The following INVS variants were observed in gnomAD, a reference collection of about 807,000 sequenced individuals.
The protein encoded by INVS is inversion of embryo turning homolog.
A neutral mutation model predicts 108.8 loss-of-function variants in INVS; 86 were observed. That is an observed-to-expected ratio of 0.79 (90% confidence interval 0.66 to 0.95). INVS has a LOEUF of 0.95. Among genes scored for constraint, INVS ranks in the 40% least tolerant of loss-of-function variants. INVS has a pLI of 0.00. For missense variants in INVS, 1,169 were observed against 1,297.4 expected, an observed-to-expected ratio of 0.90 and a Z score of 1.52; for synonymous variants, 455 against 473.5, an observed-to-expected ratio of 0.96 and a Z score of 0.51.
chr9:100,189,028 T>C (rs192407970), intron 3 of INVS, among the ~76,000 whole-genome samples: 115 of 151,970 alleles, frequency 7.6e-4, no homozygotes, highest in Admixed American at 1.5e-3. Context: ...ATATCTGTGA[T>C]GTCTTTTTGT....
intron 3 of INVS, among the ~76,000 whole-genome samples, chr9:100,208,610 T>C (rs944766097): frequency 3.3e-5 from 5 of 152,196 alleles, no homozygotes; most frequent in African/African-American, 1.2e-4. Flanking sequence ...TCAATAAAAC[T>C]AAGGTACATT....
At chr9:100,222,283 G>A (rs1287677614) in intron 3 of INVS, among the ~76,000 whole-genome samples, 1 of 152,064 alleles carries the variant, frequency 6.6e-6, no homozygotes, top group African/African-American at 2.4e-5. Flanking sequence ...AATATCATTT[G>A]TCTCATTTCA....
At chr9:100,211,860 C>A (rs1369103011) in intron 3 of INVS, among the ~76,000 whole-genome samples, 1 of 152,176 alleles carries the variant, frequency 6.6e-6, no homozygotes, top group South Asian at 2.1e-4. Context: ...CCTTTGCTTA[C>A]AGAATTGTCA....
chr9:100,159,175 G>A (rs536366967), intron 3 of INVS, among the ~76,000 whole-genome samples: 36 of 152,222 alleles, frequency 2.4e-4, no homozygotes, highest in African/African-American at 8.2e-4. Flanking sequence ...TCAAGTATAA[G>A]GTAGAATGCA....
intron 3 of INVS, among the ~76,000 whole-genome samples, chr9:100,166,471 C>T (rs574885533): frequency 7.8e-4 from 118 of 152,208 alleles, no homozygotes; most frequent in African/African-American, 2.5e-3. Context: ...TGCTGGGAGC[C>T]GTGCTCCCAC....
chr9:100,265,577 C>T (rs966009774), intron 11 of INVS, among the ~76,000 whole-genome samples: 8 of 152,076 alleles, frequency 5.3e-5, no homozygotes, highest in Admixed American at 2.0e-4. Context: ...TTTAGGCCAG[C>T]GGAATGTGTT....
intron 3 of INVS, among the ~76,000 whole-genome samples, chr9:100,211,554 CT>C (rs1377049938): frequency 6.6e-6 from 1 of 152,142 alleles, no homozygotes; most frequent in Non-Finnish European, 1.5e-5. Context: ...CTCATTTGTG[CT>C]GTTTGACTCC....
chr9:100,255,541 G>C (rs1279468545), intron 10 of INVS, among the ~76,000 whole-genome samples: 1 of 152,134 alleles, frequency 6.6e-6, no homozygotes. Context: ...TATGACATTG[G>C]CTGTGGGTTT....
intron 3 of INVS, among the ~76,000 whole-genome samples, chr9:100,158,194 T>C (rs995676159): frequency 6.6e-6 from 1 of 152,184 alleles, no homozygotes; most frequent in Non-Finnish European, 1.5e-5. Flanking sequence ...AGTGAAGACC[T>C]CATAGGATAT....
chr9:100,275,496 T>C (rs1016083334), intron 12 of INVS, among the ~76,000 whole-genome samples: 7 of 152,248 alleles, frequency 4.6e-5, no homozygotes, highest in African/African-American at 1.4e-4. Flanking sequence ...TTTGTTCTAT[T>C]TCTCAAAAGT....
chr9:100,294,458 GTC>G (rs1179862300), intron 14 of INVS, among the ~76,000 whole-genome samples: 1 of 152,148 alleles, frequency 6.6e-6, no homozygotes, highest in African/African-American at 2.4e-5. Context: ...TTCTCCCTAT[GTC>G]TGTTTCAGCT....
rs55800849 is a variant in INVS, at chr9:100,299,555, A to AACACACACAC, written c.3092-987_3092-978dup. On this transcript the variant is annotated intron_variant, in intron 16 of 16. Transcript: ENST00000262457. ...TCAGCAGAGCCTTTTATTGACACAC[A>AACACACACAC]ACACACACACACACACACACACACA... is the stretch of plus-strand genomic sequence containing the variant. 5.1e-4 allele frequency among the ~76,000 whole-genome samples: 64 copies of AACACACACAC among 125,732 alleles called. 2 individuals carry two copies. Among genetic ancestry groups the AACACACACAC allele is most frequent in the African/African-American group, 1.8e-3 (62 of 33,620 alleles). 82.5% of individuals were successfully genotyped at this position (125,732 alleles called of 152,430 possible). A position where few individuals can be genotyped will look rare whatever the true frequency, so the allele number is the denominator to read the frequency against.
At chr9:100,194,077 A>C (rs1433296380) in intron 3 of INVS, among the ~76,000 whole-genome samples, 1 of 152,210 alleles carries the variant, frequency 6.6e-6, no homozygotes, top group South Asian at 2.1e-4. Context: ...CTCTTGGGTA[A>C]ATCATTATAA....
intron 10 of INVS, among the ~76,000 whole-genome samples, chr9:100,263,356 G>A (rs1832688729): frequency 6.6e-6 from 1 of 152,152 alleles, no homozygotes; most frequent in African/African-American, 2.4e-5. Flanking sequence ...AAATCAAGGT[G>A]TCACCAGGAC....
chr9:100,274,236 T>C (rs1833050038), intron 12 of INVS, among the ~76,000 whole-genome samples: 1 of 152,068 alleles, frequency 6.6e-6, no homozygotes, highest in South Asian at 2.1e-4. Flanking sequence ...TTAGCACCTG[T>C]TATGCCAGCT....
intron 6 of INVS, among the ~76,000 whole-genome samples, chr9:100,242,283 A>G (rs977281056): frequency 6.6e-6 from 1 of 152,194 alleles, no homozygotes; most frequent in African/African-American, 2.4e-5. Flanking sequence ...AAGCCAGGAA[A>G]TGCAATGAGG....
chr9:100,219,189 A>AG (rs1831070378), intron 3 of INVS, among the ~76,000 whole-genome samples: 1 of 152,198 alleles, frequency 6.6e-6, no homozygotes, highest in Non-Finnish European at 1.5e-5. Context: ...TAGATCAGTA[A>AG]GAAAAAAAAA....
rs139314036 is a variant in INVS, at chr9:100,284,515, A to G, written c.1980A>G (p.Gly660=). Residue 660 remains glycine, a synonymous_variant, in exon 13 of 17, where the codon GGA becomes GGG. Transcript: ENST00000262457. ...AQGPEPRDSR[G]SPGGSLGGAL... ...GCCCTGAGCCAAGAGACAGCAGAGGATCTCCAGGAGGGTCTCTAGGCGGAG... is the reference window on the plus strand; with the variant it reads ...GCCCTGAGCCAAGAGACAGCAGAGGGTCTCCAGGAGGGTCTCTAGGCGGAG... 668 of 1,614,098 alleles carry G rather than the reference A, an allele frequency of 4.1e-4. 5 individuals are homozygous for G. The South Asian group carries it at 6.9e-3, about 17-fold the overall frequency.
chr9:100,239,304 A>T (rs529211455), intron 5 of INVS, among the ~76,000 whole-genome samples: 2 of 152,238 alleles, frequency 1.3e-5, no homozygotes, highest in Non-Finnish European at 1.5e-5. Flanking sequence ...TAATTGAACT[A>T]TTACCAACAT....
Sources: allele counts gnomAD v4.1 joint callset (sites outside exome capture counted in the v4.1 genomes callset), GRCh38; gene constraint gnomAD v4.1.1; transcripts MANE v1.5; gene names NCBI Gene and HGNC (gene_info 2026-07-23, HGNC 2026-07-21).